The following TEX2 variants were observed in gnomAD, a reference collection of about 807,000 sequenced individuals.
TEX2 encodes testis expressed 2.
In TEX2, 53 loss-of-function variants were observed where a neutral mutation model predicts 106.9. That is an observed-to-expected ratio of 0.50 (90% confidence interval 0.40 to 0.62). TEX2 has a LOEUF of 0.62. Ranked by LOEUF, TEX2 falls within the 20% of genes least tolerant of loss-of-function variation. The pLI, the probability that TEX2 is intolerant of heterozygous loss-of-function variation, is 0.00. For synonymous variants in TEX2, 523 were observed against 534.8 expected, an observed-to-expected ratio of 0.98 and a Z score of 0.30; for missense variants, 1,207 against 1,379.0, an observed-to-expected ratio of 0.88 and a Z score of 1.98.
intron 3 of TEX2, among the ~76,000 whole-genome samples, chr17:64,194,325 A>T (rs2032394164): frequency 6.6e-6 from 1 of 152,234 alleles, no homozygotes; most frequent in African/African-American, 2.4e-5. Context: ...CTTATATAAA[A>T]ACTATTTTAA....
chr17:64,154,030 C>T (rs548486292), intron 9 of TEX2, among the ~76,000 whole-genome samples: 2 of 152,242 alleles, frequency 1.3e-5, no homozygotes, highest in East Asian at 3.9e-4. Context: ...CCATGAGACT[C>T]AGAAGAAAGG....
chr17:64,256,871 A>G (rs1000950002), intron 1 of TEX2, among the ~76,000 whole-genome samples: 9 of 152,232 alleles, frequency 5.9e-5, no homozygotes, highest in Non-Finnish European at 1.3e-4. Context: ...ACCATCTATA[A>G]GAATACAGCC....
intron 1 of TEX2, among the ~76,000 whole-genome samples, chr17:64,238,182 C>T (rs2143378097): frequency 6.6e-6 from 1 of 152,188 alleles, no homozygotes; most frequent in East Asian, 1.9e-4. Context: ...CGCCTATAAT[C>T]CCAGCTACTC....
At chr17:64,233,676 A>G (rs1428561160) in intron 1 of TEX2, among the ~76,000 whole-genome samples, 3 of 152,222 alleles carry the variant, frequency 2.0e-5, no homozygotes, top group African/African-American at 7.2e-5. Context: ...CCTGGCACCA[A>G]TAACTAGTTA....
chr17:64,157,179 G>C (rs2143634079), intron 8 of TEX2, among the ~76,000 whole-genome samples: 1 of 152,244 alleles, frequency 6.6e-6, no homozygotes, highest in South Asian at 2.1e-4. Context: ...TATGACCTCA[G>C]CATGAACTTC....
intron 6 of TEX2, among the ~76,000 whole-genome samples, chr17:64,172,580 C>T (rs1433183340): frequency 6.6e-6 from 1 of 152,092 alleles, no homozygotes; most frequent in African/African-American, 2.4e-5. Flanking sequence ...CCCCCATCTA[C>T]TGAAGGCCAC....
At chr17:64,181,305 G>A (rs11649808) in intron 5 of TEX2, among the ~76,000 whole-genome samples, 110,271 of 151,444 alleles carry the variant, frequency 0.73, 40,253 homozygotes, top group East Asian at 0.84. Context: ...GTGAAGTCCC[G>A]TCTCTACCAA....
intron 1 of TEX2, among the ~76,000 whole-genome samples, chr17:64,259,313 C>T (rs1263876693): frequency 6.6e-6 from 1 of 152,186 alleles, no homozygotes; most frequent in African/African-American, 2.4e-5. Flanking sequence ...GCTTCATGGA[C>T]ATTTCACGCA....
At chr17:64,149,214 G>A in intron 11 of TEX2, 123 bp from the exon 12 acceptor site, 1 of 1,061,656 alleles carries the variant, frequency 9.4e-7, no homozygotes, top group Non-Finnish European at 1.3e-6. Flanking sequence ...AACTTGCTAT[G>A]CATTCCAAAC....
intron 5 of TEX2, among the ~76,000 whole-genome samples, 178 bp downstream of exon 5, chr17:64,187,990 G>A (rs187806046): frequency 6.6e-6 from 1 of 152,256 alleles, no homozygotes; most frequent in East Asian, 1.9e-4. Flanking sequence ...CCACCACCTG[G>A]TGCTTGTTTC....
At position 64,213,721 on chromosome 17, in the gene TEX2, G is replaced by C. The variant is rs782395498; in HGVS notation, c.497C>G (p.Ser166Cys). 19 of 1,614,068 alleles carry C rather than the reference G, an allele frequency of 1.2e-5. No individual in the cohort carries two copies. In the East Asian group the frequency reaches 4.2e-4, roughly 36 times the overall value. Residue 166 changes from serine (S) to cysteine (C), a missense_variant, in exon 2 of 12, where the codon TCT (serine) becomes TGT (cysteine). Physicochemically the swap from Ser to Cys is moderately radical, Grantham distance 112 (BLOSUM62 -1). Coordinates refer to ENST00000584379, the MANE Select transcript of TEX2 (RefSeq NM_001288732.2). This position sits in a 1 kb window ranked among gnomAD's most constrained non-coding sequence, Gnocchi z 4.4. Reference protein sequence around the residue: ...QKTSSSSPLSSPSKSPILSSS... With the variant: ...QKTSSSSPLSCPSKSPILSSS... Reference sequence around the variant, plus strand: ...TGAGAGGATGGGAGACTTAGAAGGAGAGGACAATGGGGAGGAAGAACTGGT... The same window carrying C: ...TGAGAGGATGGGAGACTTAGAAGGACAGGACAATGGGGAGGAAGAACTGGT...
intron 1 of TEX2, among the ~76,000 whole-genome samples, chr17:64,237,755 G>C (rs2033802188): frequency 6.6e-6 from 1 of 152,052 alleles, no homozygotes; most frequent in Non-Finnish European, 1.5e-5. Context: ...TGGGTTTCTG[G>C]GAACATGGTA....
At chr17:64,209,475 A>C (rs1469874630) in intron 2 of TEX2, among the ~76,000 whole-genome samples, 2 of 152,258 alleles carry the variant, frequency 1.3e-5, no homozygotes, top group Non-Finnish European at 2.9e-5. Flanking sequence ...GAATGAAAAA[A>C]GAATTACCAA....
chr17:64,223,881 A>C (rs2033435024), intron 1 of TEX2, among the ~76,000 whole-genome samples: 1 of 152,044 alleles, frequency 6.6e-6, no homozygotes, highest in Non-Finnish European at 1.5e-5. Flanking sequence ...ACACCTGACT[A>C]ATGTTTTTTA....
chr17:64,231,932 C>A (rs945470841), intron 1 of TEX2, among the ~76,000 whole-genome samples: 1 of 152,186 alleles, frequency 6.6e-6, no homozygotes, highest in Non-Finnish European at 1.5e-5. Flanking sequence ...ATCTTTTTAT[C>A]CGTGCCGACT....
At position 64,171,200 on chromosome 17, in the gene TEX2, C is replaced by T; in HGVS notation, c.2572-1G>A. The T allele has an allele frequency of 1.9e-6, 3 of 1,613,482 alleles. No homozygotes were observed. The highest frequency in any genetic ancestry group is 2.5e-6 in the Non-Finnish European group (3 of 1,179,592). On this transcript the variant is annotated splice_acceptor_variant, in intron 6 of 11. Coordinates refer to ENST00000584379, the MANE Select transcript of TEX2 (RefSeq NM_001288732.2). LOFTEE classifies it high-confidence loss of function. Reference sequence around the variant, plus strand: ...TGAGCTCATTCATAAAGTAGGGGAGCTAGAGGAAACAAGCAAACAATGAGT... The same window carrying T: ...TGAGCTCATTCATAAAGTAGGGGAGTTAGAGGAAACAAGCAAACAATGAGT...
intron 1 of TEX2, among the ~76,000 whole-genome samples, chr17:64,223,220 AG>A (rs1555633477): frequency 6.6e-6 from 1 of 152,198 alleles, no homozygotes; most frequent in Non-Finnish European, 1.5e-5. Context: ...TCACCCAAAA[AG>A]GTCATCATCA....
At position 64,207,837 on chromosome 17, in the gene TEX2, G is replaced by A. The variant is rs1048614038; in HGVS notation, c.1644+4737C>T. On this transcript the variant is annotated intron_variant, in intron 2 of 11. Coordinates refer to ENST00000584379, the MANE Select transcript of TEX2 (RefSeq NM_001288732.2). ...TGCAAGCTCTGCCTCCCGGGTTCAC[G>A]CCATTCTCCTGCCTCAGCCTCATGA... Among the ~76,000 whole-genome samples, 8 of 151,694 alleles carry A rather than the reference G, an allele frequency of 5.3e-5. No individual in the cohort carries two copies. The South Asian group carries it at 6.2e-4, about 12-fold the overall frequency.
rs1302954001 is a variant in TEX2, at chr17:64,198,324, C to T, written c.1645-3229G>A. Among the ~76,000 whole-genome samples, 3 of 149,826 alleles carry T rather than the reference C, an allele frequency of 2.0e-5. No individual in the cohort carries two copies. In the East Asian group the frequency reaches 5.8e-4, roughly 29 times the overall value. ...TGTCTTACATATATAACAGGTTTACCAGGGCTAAAGTTCTAAAGGCAACTA... is the reference window on the plus strand; with the variant it reads ...TGTCTTACATATATAACAGGTTTACTAGGGCTAAAGTTCTAAAGGCAACTA... On this transcript the variant is annotated intron_variant, in intron 2 of 11. Transcript: ENST00000584379.
Sources: gnomAD v4.1 joint callset for allele counts (sites outside exome capture counted in the v4.1 genomes callset) on GRCh38, gnomAD v4.1.1 for gene constraint, Gnocchi (gnomAD v3.1) non-coding constraint, MANE v1.5 for transcripts, NCBI Gene and HGNC (gene_info 2026-07-23, HGNC 2026-07-21) for gene names.